The following MAPRE2 variants were observed in gnomAD, a reference collection of about 807,000 sequenced individuals.
MAPRE2 encodes the protein microtubule associated protein RP/EB family member 2.
In MAPRE2, 13 loss-of-function variants were observed where a neutral mutation model predicts 43.2. That is an observed-to-expected ratio of 0.30 (90% CI 0.20 to 0.48). The LOEUF (loss-of-function observed/expected upper bound fraction) is 0.48, where lower values mean the gene tolerates loss of function less well. Ranked by LOEUF, MAPRE2 falls within the 20% of genes least tolerant of loss-of-function variation. The pLI is 0.99. For missense variants in MAPRE2, 161 were observed against 400.2 expected, an observed-to-expected ratio of 0.40 and a Z score of 5.10; for synonymous variants, 135 against 148.8, an observed-to-expected ratio of 0.91 and a Z score of 0.68.
At chr18:35,046,281 T>C (rs1209935905) in intron 1 of MAPRE2, among the ~76,000 whole-genome samples, 1 of 152,232 alleles carries the variant, frequency 6.6e-6, no homozygotes, top group Non-Finnish European at 1.5e-5. Context: ...TAAAGTCCGA[T>C]GGAAAACCGC....
chr18:35,020,062 C>T (rs1362812923), intron 2 of MAPRE2, among the ~76,000 whole-genome samples: 2 of 152,118 alleles, frequency 1.3e-5, no homozygotes, highest in Admixed American at 6.6e-5. Flanking sequence ...AGATTTTCAG[C>T]ACCCCTTACC....
At chr18:35,102,257 C>A in intron 4 of MAPRE2, 98 bp downstream of exon 4, 1 of 868,836 alleles carries the variant, frequency 1.2e-6, no homozygotes, top group Non-Finnish European at 1.7e-6. Flanking sequence ...TTCTTCTCAA[C>A]AGTCAATATT....
intron 4 of MAPRE2, among the ~76,000 whole-genome samples, chr18:35,120,669 A>G (rs1212233146): frequency 2.6e-5 from 4 of 152,170 alleles, no homozygotes; most frequent in African/African-American, 4.8e-5. Context: ...TCCTCTTCCT[A>G]TGGAATTCAC....
At chr18:34,993,992 C>CT (rs11301716) in intron 1 of MAPRE2, among the ~76,000 whole-genome samples, 2,202 of 119,994 alleles carry the variant, frequency 0.018, 15 homozygotes, top group Middle Eastern at 0.043. Flanking sequence ...CATGGATTTT[C>CT]TTTTTTTTTT....
chr18:35,028,475 TTCCCC>T (rs2097046358), intron 2 of MAPRE2, among the ~76,000 whole-genome samples: 1 of 152,164 alleles, frequency 6.6e-6, no homozygotes, highest in Admixed American at 6.5e-5. Context: ...ATTTTCTTAA[TTCCCC>T]AGTACTAACT....
At chr18:35,070,970 G>A (rs1365615577) in intron 2 of MAPRE2, among the ~76,000 whole-genome samples, 5 of 152,048 alleles carry the variant, frequency 3.3e-5, no homozygotes, top group Admixed American at 1.3e-4. Flanking sequence ...CGCAGGCTCC[G>A]TGGTGTTCCT....
chr18:34,994,561 C>T lies in MAPRE2; in HGVS notation c.-69-10931C>T, dbSNP rs117901159. 4.7e-3 allele frequency among the ~76,000 whole-genome samples: 718 copies of T among 152,192 alleles called. 2 individuals carry two copies. The highest frequency in any genetic ancestry group is 0.02 in the Middle Eastern group (6 of 294). ...AAGGATTTCTTGGGGCCCTTTTCATCGAGGCCGCATCCACATGATCCCTGA... is the reference window on the plus strand; with the variant it reads ...AAGGATTTCTTGGGGCCCTTTTCATTGAGGCCGCATCCACATGATCCCTGA... On this transcript the variant is annotated intron_variant, in intron 1 of 7. Coordinates refer to the MAPRE2 transcript ENST00000413393.
intron 2 of MAPRE2, among the ~76,000 whole-genome samples, chr18:35,077,249 GCACACA>G (rs869108287): frequency 2.5e-4 from 22 of 88,856 alleles, no homozygotes; most frequent in African/African-American, 1.1e-3. Flanking sequence ...GTGCGCGCGC[GCACACA>G]CACACACACA....
intron 1 of MAPRE2, among the ~76,000 whole-genome samples, chr18:34,980,667 T>C (rs1490060244): frequency 6.6e-6 from 1 of 152,184 alleles, no homozygotes; most frequent in Non-Finnish European, 1.5e-5. Flanking sequence ...ATAGCTTATT[T>C]GTTCACTTAC....
At chr18:35,028,385 A>G (rs2097046320) in intron 2 of MAPRE2, among the ~76,000 whole-genome samples, 1 of 152,246 alleles carries the variant, frequency 6.6e-6, no homozygotes. Context: ...TTCAAATCCA[A>G]AGCATATGCA....
rs542970363 is a variant in MAPRE2 at position 35,054,929 on chromosome 18, G to A, written c.122+13268G>A. On this transcript the variant is annotated intron_variant, in intron 1 of 6. Transcript: ENST00000300249. ...GCTTGAAATAATAATGAACCAAAGA[G>A]GGGAAATGACCGAAGTCGAAGTTCT... Among the ~76,000 whole-genome samples, 530 of 152,214 alleles carry A rather than the reference G, an allele frequency of 3.5e-3. 4 individuals are homozygous for A. The highest frequency in any genetic ancestry group is 4.7e-3 in the Non-Finnish European group (321 of 68,022).
intron 6 of MAPRE2, among the ~76,000 whole-genome samples, chr18:35,137,303 G>T (rs932938298): frequency 1.6e-4 from 24 of 152,336 alleles, no homozygotes; most frequent in African/African-American, 5.8e-4. Context: ...AGAAGCAGCT[G>T]CCCTGGGCAT....
At chr18:35,032,619 A>T (rs761507569) in intron 2 of MAPRE2, among the ~76,000 whole-genome samples, 4 of 152,134 alleles carry the variant, frequency 2.6e-5, no homozygotes, top group Non-Finnish European at 4.4e-5. Context: ...AATTCGAGTT[A>T]ATGCCAGGGT....
At chr18:35,075,158 T>C (rs1436086757) in intron 2 of MAPRE2, among the ~76,000 whole-genome samples, 1 of 152,170 alleles carries the variant, frequency 6.6e-6, no homozygotes, top group Non-Finnish European at 1.5e-5. Context: ...ACGTGATGGC[T>C]ATGTGGAAGG....
rs201566912 is a variant in MAPRE2, at chr18:35,131,989, A to G, written c.751-43A>G. On this transcript the variant is annotated intron_variant, in intron 5 of 6. Coordinates refer to ENST00000300249, the MANE Select transcript of MAPRE2 (RefSeq NM_014268.4). The stretch of plus-strand genomic sequence containing the variant: ...GGAATTGCTGGTCATGTCTTATACT[A>G]TATTTTGGGTGGTTTTTTTTCTTCA... 147 of 1,597,382 alleles carry G rather than the reference A, an allele frequency of 9.2e-5. No homozygotes were observed. In the East Asian group the frequency reaches 3.2e-3, roughly 35 times the overall value.
At chr18:35,109,205 A>T (rs753050948) in intron 4 of MAPRE2, among the ~76,000 whole-genome samples, 7 of 152,162 alleles carry the variant, frequency 4.6e-5, no homozygotes, top group Non-Finnish European at 1.0e-4. Flanking sequence ...TCCCAGTACC[A>T]TTTACTGAAT....
chr18:35,076,432 G>T (rs1907358008), intron 2 of MAPRE2, among the ~76,000 whole-genome samples: 1 of 152,176 alleles, frequency 6.6e-6, no homozygotes, highest in South Asian at 2.1e-4. Context: ...GGGAGTGGCT[G>T]GGTGCTTCTG....
chr18:35,004,931 AAAG>A (rs1294867272), intron 1 of MAPRE2, among the ~76,000 whole-genome samples: 21 of 152,200 alleles, frequency 1.4e-4, no homozygotes, highest in African/African-American at 5.1e-4. Context: ...AAAAAAAAAA[AAAG>A]AAAAGAAAGT....
At chr18:35,038,889 G>C (rs1165332353), upstream of MAPRE2, among the ~76,000 whole-genome samples, 1 of 152,184 alleles carries the variant, frequency 6.6e-6, no homozygotes, top group Non-Finnish European at 1.5e-5. Flanking sequence ...AGCAGTCTTA[G>C]AGGAAGATTT....
Sources: allele counts gnomAD v4.1 joint callset (sites outside exome capture counted in the v4.1 genomes callset), GRCh38; gene constraint gnomAD v4.1.1; transcripts MANE v1.5; gene names NCBI Gene and HGNC (gene_info 2026-07-23, HGNC 2026-07-21).